The following PDE1C variants were observed in gnomAD, a reference collection of about 807,000 sequenced individuals.
The protein encoded by PDE1C is phosphodiesterase 1C, also known as dual specificity calcium/calmodulin-dependent 3',5'-cyclic nucleotide phosphodiesterase 1C.
PDE1C carries 62 observed loss-of-function variants against 93.1 expected under a neutral mutation model. That is an observed-to-expected ratio of 0.67 (90% CI 0.54 to 0.82). The LOEUF is 0.82. PDE1C is among the 40% of genes least tolerant of loss of function. The pLI is 0.00. For synonymous variants in PDE1C, 325 were observed against 310.1 expected (o/e 1.05, Z -0.50); for missense variants, 742 against 884.6 (o/e 0.84, Z 2.04).
intron 1 of PDE1C, among the ~76,000 whole-genome samples, chr7:32,388,693 A>AG (rs961392010): frequency 4.6e-5 from 7 of 151,060 alleles, no homozygotes; most frequent in Non-Finnish European, 1.0e-4. Flanking sequence ...AAAAAAAAAA[A>AG]AAAAAAAAAA....
chr7:31,808,120 G>T (rs1471501472), intron 16 of PDE1C: 2 of 422,832 alleles, frequency 4.7e-6, no homozygotes, highest in Non-Finnish European at 9.0e-6. Context: ...GATGTGCAAA[G>T]AATTACGTTC....
chr7:31,959,142 A>C (rs1584191783), intron 2 of PDE1C, among the ~76,000 whole-genome samples: 1 of 152,276 alleles, frequency 6.6e-6, no homozygotes, highest in Non-Finnish European at 1.5e-5. Context: ...AATTGTTTAC[A>C]AAAAAATATA....
chr7:32,223,580 C>T (rs1397240240), intron 1 of PDE1C, among the ~76,000 whole-genome samples: 2 of 152,282 alleles, frequency 1.3e-5, no homozygotes, highest in South Asian at 4.2e-4. Context: ...CTGACCATCC[C>T]GTCTCAAGCA....
intron 2 of PDE1C, among the ~76,000 whole-genome samples, chr7:31,975,758 C>T (rs1380429746): frequency 6.6e-6 from 1 of 152,156 alleles, no homozygotes; most frequent in Admixed American, 6.6e-5. Context: ...AAAGAATCTT[C>T]AAGATTAGCC....
intron 1 of PDE1C, among the ~76,000 whole-genome samples, chr7:32,219,357 C>T (rs1188528430): frequency 6.6e-6 from 1 of 152,156 alleles, no homozygotes; most frequent in Non-Finnish European, 1.5e-5. Flanking sequence ...ATTTCCCTTT[C>T]ATAGCAAGAA....
chr7:32,054,708 C>T (rs1793838889), intron 1 of PDE1C, among the ~76,000 whole-genome samples: 1 of 152,198 alleles, frequency 6.6e-6, no homozygotes, highest in Admixed American at 6.5e-5. Context: ...TAGATATATT[C>T]TTAGCTTCAG....
At chr7:32,208,946 CAAACTGAG>C (rs1805811979) in intron 2 of PDE1C, among the ~76,000 whole-genome samples, 1 of 152,154 alleles carries the variant, frequency 6.6e-6, no homozygotes, top group South Asian at 2.1e-4. Context: ...AAAGTGTCAC[CAAACTGAG>C]GAAAAGCCAG....
At chr7:32,057,476 G>A (rs1469082129) in intron 1 of PDE1C, among the ~76,000 whole-genome samples, 3 of 152,138 alleles carry the variant, frequency 2.0e-5, no homozygotes, top group African/African-American at 7.2e-5. Context: ...ACAGGCAGCT[G>A]GTCACATCCT....
At chr7:32,127,205 C>G (rs915312870) in intron 3 of PDE1C, among the ~76,000 whole-genome samples, 3 of 152,158 alleles carry the variant, frequency 2.0e-5, no homozygotes, top group Admixed American at 1.3e-4. Context: ...CATCTGCTCT[C>G]TCTGGTCACC....
intron 1 of PDE1C, among the ~76,000 whole-genome samples, chr7:32,265,715 A>C (rs1810522888): frequency 6.6e-6 from 1 of 152,196 alleles, no homozygotes; most frequent in Non-Finnish European, 1.5e-5. Flanking sequence ...AAGAATCCTG[A>C]CCAACAGAGA....
At chr7:31,753,898 T>C (rs1794273534) in intron 17 of PDE1C, among the ~76,000 whole-genome samples, 1 of 152,206 alleles carries the variant, frequency 6.6e-6, no homozygotes, top group Non-Finnish European at 1.5e-5. Context: ...CACAGGTATA[T>C]CATTAACAGC....
chr7:31,762,734 A>G (rs1237837122), intron 17 of PDE1C, among the ~76,000 whole-genome samples: 1 of 152,054 alleles, frequency 6.6e-6, no homozygotes, highest in African/African-American at 2.4e-5. Context: ...TTTTTTCATC[A>G]CACAGAGCAA....
At chr7:31,628,340 C>T in the PDE1C span, among the ~76,000 whole-genome samples, 1 of 152,106 alleles carries the variant, frequency 6.6e-6, no homozygotes, top group African/African-American at 2.4e-5. Context: ...TAGAGAATAG[C>T]CAACAAACGA....
At chr7:31,925,091 G>GCA (rs1398875287) in intron 2 of PDE1C, among the ~76,000 whole-genome samples, 2 of 140,316 alleles carry the variant, frequency 1.4e-5, no homozygotes, top group African/African-American at 2.6e-5. Context: ...GTGTGTGTGT[G>GCA]CATGCGCATG....
chr7:32,137,159 T>C (rs1800257794), intron 3 of PDE1C, among the ~76,000 whole-genome samples: 1 of 152,196 alleles, frequency 6.6e-6, no homozygotes. Context: ...CCCTACACAA[T>C]GTTAAACCCA....
intron 1 of PDE1C, among the ~76,000 whole-genome samples, chr7:32,426,261 A>C (rs909177347): frequency 6.9e-6 from 1 of 144,070 alleles, no homozygotes; most frequent in Non-Finnish European, 1.5e-5. Context: ...AAAATGGTGT[A>C]ACTATATTTG....
At chr7:31,931,661 G>T (rs1459211072) in intron 2 of PDE1C, among the ~76,000 whole-genome samples, 1 of 152,106 alleles carries the variant, frequency 6.6e-6, no homozygotes, top group African/African-American at 2.4e-5. Flanking sequence ...TGGCCATACT[G>T]CCCAAAGTAA....
In PDE1C at chr7:32,308,399, C is replaced by T. The variant is rs530944272; in HGVS notation, c.311-98860G>A. Among the ~76,000 whole-genome samples, 31 of 152,364 alleles carry T rather than the reference C, an allele frequency of 2.0e-4. No individual in the cohort carries two copies. The South Asian group carries it at 2.1e-3, about 10-fold the overall frequency. Reference sequence around the variant, plus strand: ...GAAGAGAGTAGTGGTTCTCCCAGCACGCAGCTGGAGATCTGAGAACGGGCA... The same window carrying T: ...GAAGAGAGTAGTGGTTCTCCCAGCATGCAGCTGGAGATCTGAGAACGGGCA... On this transcript the variant is annotated intron_variant, in intron 1 of 1. Coordinates refer to the PDE1C transcript ENST00000672256.
chr7:31,823,347 T>A (rs1489606382), intron 13 of PDE1C, 99 bp from the exon 14 acceptor site: 2 of 860,422 alleles, frequency 2.3e-6, no homozygotes, highest in East Asian at 5.4e-5. Context: ...ACTCCTAAAG[T>A]TATTGCTGTG....
Sources: gnomAD v4.1 joint callset for allele counts (sites outside exome capture counted in the v4.1 genomes callset) on GRCh38, gnomAD v4.1.1 for gene constraint, MANE v1.5 for transcripts, NCBI Gene and HGNC (gene_info 2026-07-23, HGNC 2026-07-21) for gene names.